PLXNA4: variants seen among roughly 807,000 people sequenced by gnomAD.
The protein encoded by PLXNA4 is plexin-A4.
PLXNA4 carries 44 observed loss-of-function variants against 191.8 expected under a neutral mutation model. That is an observed-to-expected ratio of 0.23 (90% CI 0.18 to 0.29). The LOEUF (loss-of-function observed/expected upper bound fraction) is 0.29, where lower values mean the gene tolerates loss of function less well. PLXNA4 is among the 10% of genes least tolerant of loss of function. PLXNA4 has a pLI of 1.00. For synonymous variants in PLXNA4, 1,082 were observed against 1,009.5 expected (o/e 1.07, Z -1.36); for missense variants, 1,800 against 2,488.8 (o/e 0.72, Z 5.89).
At chr7:132,429,721 CT>C (rs1404848463) in intron 3 of PLXNA4, among the ~76,000 whole-genome samples, 2 of 152,192 alleles carry the variant, frequency 1.3e-5, no homozygotes, top group African/African-American at 4.8e-5. Context: ...TGCTAGAAGA[CT>C]TTGTGCTTCT....
At chr7:132,491,010 T>A (rs554071101) in intron 2 of PLXNA4, among the ~76,000 whole-genome samples, 1 of 152,218 alleles carries the variant, frequency 6.6e-6, no homozygotes, top group African/African-American at 2.4e-5. Flanking sequence ...CCCTCGGCAC[T>A]CCCCACAAGC....
chr7:132,360,611 GACA>G (rs754126539), intron 3 of PLXNA4, among the ~76,000 whole-genome samples: 4 of 152,090 alleles, frequency 2.6e-5, no homozygotes, highest in African/African-American at 9.7e-5. Context: ...ATGATGTTTC[GACA>G]ACAACAAAAA....
chr7:132,229,121 T>C (rs1798436390), intron 5 of PLXNA4, among the ~76,000 whole-genome samples: 1 of 152,212 alleles, frequency 6.6e-6, no homozygotes, highest in Admixed American at 6.5e-5. Flanking sequence ...AAAGCAGCTA[T>C]GTTCCATTTA....
intron 4 of PLXNA4, among the ~76,000 whole-genome samples, chr7:132,269,961 C>A (rs540549711): frequency 6.6e-6 from 1 of 152,200 alleles, no homozygotes; most frequent in South Asian, 2.1e-4. Flanking sequence ...CACAAAGAAA[C>A]GTGCTTGAGG....
chr7:132,230,560 G>C (rs1433763653), intron 5 of PLXNA4, among the ~76,000 whole-genome samples: 2 of 152,182 alleles, frequency 1.3e-5, no homozygotes, highest in Non-Finnish European at 2.9e-5. Context: ...TGCTGCTCCA[G>C]CTGACCGATG....
chr7:132,240,934 A>C (rs1244647835), intron 5 of PLXNA4, 132 bp downstream of exon 5: 5 of 599,710 alleles, frequency 8.3e-6, no homozygotes, highest in Non-Finnish European at 1.4e-5. Flanking sequence ...GAAAGGATGC[A>C]AGGAAGGAAG....
intron 2 of PLXNA4, among the ~76,000 whole-genome samples, chr7:132,612,128 C>A (rs1280879470): frequency 6.6e-6 from 1 of 152,206 alleles, no homozygotes; most frequent in African/African-American, 2.4e-5. Context: ...CAAGTCAACT[C>A]CATTTTAGCA....
chr7:132,385,166 C>G (rs1258181438), intron 3 of PLXNA4: 2 of 1,613,492 alleles, frequency 1.2e-6, no homozygotes, highest in East Asian at 4.5e-5. Context: ...CTAAATAAGC[C>G]TACACAGCTC....
intron 2 of PLXNA4, among the ~76,000 whole-genome samples, chr7:132,608,301 C>T (rs1357391826): frequency 6.6e-6 from 1 of 152,218 alleles, no homozygotes; most frequent in East Asian, 1.9e-4. Flanking sequence ...TGGGCACACA[C>T]TCTCCAGGCA....
At chr7:132,287,033 G>A (rs781132107) in intron 4 of PLXNA4, among the ~76,000 whole-genome samples, 6 of 152,132 alleles carry the variant, frequency 3.9e-5, no homozygotes, top group Non-Finnish European at 7.3e-5. Flanking sequence ...CCCTAACAAC[G>A]TTTTTGTTTG....
At chr7:132,533,571 C>T (rs1799710358) in intron 1 of PLXNA4, among the ~76,000 whole-genome samples, 1 of 152,218 alleles carries the variant, frequency 6.6e-6, no homozygotes, top group Non-Finnish European at 1.5e-5. Context: ...ACAAGAAAAC[C>T]ATTTTTCTCT....
At chr7:132,637,952 T>C (rs183718142) in intron 2 of PLXNA4, among the ~76,000 whole-genome samples, 158 of 152,332 alleles carry the variant, frequency 1.0e-3, no homozygotes, top group Non-Finnish European at 1.6e-3. Context: ...CAAAAATGGA[T>C]ACTAAGCAGG....
chr7:132,334,406 C>T (rs990384124), intron 3 of PLXNA4, among the ~76,000 whole-genome samples: 10 of 151,704 alleles, frequency 6.6e-5, no homozygotes, highest in African/African-American at 2.4e-4. Flanking sequence ...CACAGGCATG[C>T]ACCACCACAC....
chr7:132,438,728 A>T lies in PLXNA4; in HGVS notation c.1371+50564T>A, dbSNP rs911563183. Among the ~76,000 whole-genome samples the T allele has an allele frequency of 2.0e-5, 3 of 152,354 alleles. No individual in the cohort carries two copies. In the East Asian group the frequency reaches 5.8e-4, roughly 29 times the overall value. On this transcript the variant is annotated intron_variant, in intron 3 of 31. Transcript: ENST00000321063. ...TATTAACACCTCAATAGCTGTTTTT[A>T]AAAATTACAGCTCTGTGGAGTTTTA...
intron 3 of PLXNA4, among the ~76,000 whole-genome samples, chr7:132,401,622 G>A (rs1049019650): frequency 1.3e-5 from 2 of 152,192 alleles, no homozygotes; most frequent in South Asian, 2.1e-4. Flanking sequence ...TAATCAGGAC[G>A]GGGCATAAGT....
intron 25 of PLXNA4, among the ~76,000 whole-genome samples, chr7:132,158,690 A>G (rs966110468): frequency 6.6e-6 from 1 of 152,214 alleles, no homozygotes; most frequent in Non-Finnish European, 1.5e-5. Flanking sequence ...ACACACAGCT[A>G]GGACTTGACG....
chr7:132,294,399 T>A (rs913121533), intron 4 of PLXNA4, among the ~76,000 whole-genome samples: 7 of 152,172 alleles, frequency 4.6e-5, no homozygotes, highest in Non-Finnish European at 8.8e-5. Context: ...AGCTTGGACA[T>A]CTCATGAGGA....
rs148530858 is a variant in PLXNA4, at chr7:132,217,057, G to A, written c.2098-5914C>T. Among the ~76,000 whole-genome samples, 1,004 of 152,306 alleles carry A rather than the reference G, an allele frequency of 6.6e-3. 11 individuals are homozygous for A. The highest frequency in any genetic ancestry group is 0.023 in the African/African-American group (950 of 41,566). ...GGGGGGTGAGAAGTGGCAGCAGCTC[G>A]AGGCACAAGCACACCTTTAAAGGCC... On this transcript the variant is annotated intron_variant, in intron 9 of 31. Coordinates refer to ENST00000321063, the MANE Select transcript of PLXNA4 (RefSeq NM_020911.2).
chr7:132,563,144 C>A (rs1385955686), intron 1 of PLXNA4, among the ~76,000 whole-genome samples: 1 of 88,866 alleles, frequency 1.1e-5, no homozygotes, highest in African/African-American at 4.2e-5. Flanking sequence ...TCCTTCTCCT[C>A]TTCCTCCTTC....
Sources: allele counts gnomAD v4.1 joint callset (sites outside exome capture counted in the v4.1 genomes callset), GRCh38; gene constraint gnomAD v4.1.1; transcripts MANE v1.5; gene names NCBI Gene and HGNC (gene_info 2026-07-23, HGNC 2026-07-21).